Variants in TPO observed in about 807,000 individuals in gnomAD.
TPO encodes the protein thyroid peroxidase, also known as thyroid microsomal antigen.
A neutral mutation model predicts 96.9 loss-of-function variants in TPO; 78 were observed. The observed-to-expected ratio is 0.81, with a 90% confidence interval of 0.67 to 0.97. The LOEUF is 0.97. TPO is among the 50% of genes least tolerant of loss of function. The probability of loss-of-function intolerance (pLI) is 0.00; values close to 1 mark genes in which losing one functional copy is unlikely to be tolerated. For synonymous variants in TPO, 547 were observed against 538.0 expected (o/e 1.02, Z -0.23); for missense variants, 1,252 against 1,274.8 (o/e 0.98, Z 0.27).
At chr2:1,432,933 G>A (rs1216193188) in intron 3 of TPO, among the ~76,000 whole-genome samples, 1 of 152,164 alleles carries the variant, frequency 6.6e-6, no homozygotes, top group African/African-American at 2.4e-5. Flanking sequence ...AGCTCTCACT[G>A]TGAACAGCTT....
chr2:1,489,650 C>CTGAATGAA (rs59667255), intron 10 of TPO, among the ~76,000 whole-genome samples: 9,859 of 150,340 alleles, frequency 0.066, 367 homozygotes, highest in African/African-American at 0.093. Flanking sequence ...GGAACCCTCA[C>CTGAATGAA]TGAATGAATG....
chr2:1,503,654 C>G, intron 13 of TPO: 1 of 568,796 alleles, frequency 1.8e-6, no homozygotes, highest in Non-Finnish European at 3.3e-6. Flanking sequence ...TTCCACATTC[C>G]CAGGCAGACC....
chr2:1,423,384 G>A (rs903900211), intron 3 of TPO, among the ~76,000 whole-genome samples: 3 of 152,188 alleles, frequency 2.0e-5, no homozygotes, highest in Admixed American at 1.3e-4. Flanking sequence ...TTAAAAGACA[G>A]TAGAGGCTGA....
intron 7 of TPO, among the ~76,000 whole-genome samples, 158 bp from the exon 8 acceptor site, chr2:1,476,928 G>C (rs537200332): frequency 8.5e-5 from 13 of 152,190 alleles, no homozygotes; most frequent in East Asian, 3.9e-4. Flanking sequence ...GCAGGCCGGG[G>C]GGGGAGGTGA....
intron 5 of TPO, among the ~76,000 whole-genome samples, chr2:1,440,141 GCGTTTC>G (rs1666013134): frequency 6.6e-6 from 1 of 151,792 alleles, no homozygotes; most frequent in Non-Finnish European, 1.5e-5. Context: ...CCACTGTGCT[GCGTTTC>G]CAATGTGCTG....
In TPO at chr2:1,512,600, C is replaced by G. The variant is rs941495807; in HGVS notation, c.2519-4283C>G. 1.5e-5 allele frequency: 8 copies of G among 532,726 alleles called. No homozygotes were observed. The African/African-American group carries it at 1.7e-4, about 11-fold the overall frequency. 33.0% of individuals were successfully genotyped at this position (532,726 alleles called of 1,614,324 possible). A position where few individuals can be genotyped will look rare whatever the true frequency, so the allele number is the denominator to read the frequency against. ...GGGTCCGCCGCAGAACACGTCTTCC[C>G]GCTGAGCCCTGCAGCCCCTCAAGCA... is the stretch of plus-strand genomic sequence containing the variant. On this transcript the variant is annotated intron_variant, in intron 14 of 16. Transcript: ENST00000329066.
At chr2:1,380,157 G>A (rs749734391) in intron 1 of TPO, among the ~76,000 whole-genome samples, 9 of 152,160 alleles carry the variant, frequency 5.9e-5, no homozygotes, top group Non-Finnish European at 4.4e-5. Context: ...CACTTTGGGA[G>A]GCCGAGGTGG....
intron 3 of TPO, among the ~76,000 whole-genome samples, chr2:1,430,000 A>G (rs1664817937): frequency 6.6e-6 from 1 of 152,258 alleles, no homozygotes; most frequent in African/African-American, 2.4e-5. Flanking sequence ...GGGTTGTTGG[A>G]GTAACCATTT....
At chr2:1,381,676 A>G (rs1362378126) in intron 1 of TPO, among the ~76,000 whole-genome samples, 1 of 152,206 alleles carries the variant, frequency 6.6e-6, no homozygotes, top group Non-Finnish European at 1.5e-5. Context: ...CAGTGTGACA[A>G]TTTCTTCTTG....
At chr2:1,534,537 ACCTCCCCAAATCC>A (rs1311508411) in intron 15 of TPO, among the ~76,000 whole-genome samples, 48 of 91,618 alleles carry the variant, frequency 5.2e-4, no homozygotes, top group African/African-American at 1.9e-3. Flanking sequence ...ACTCTGTGCA[ACCTCCCCAAATCC>A]CTACCACTCT....
At chr2:1,480,080 C>T (rs62107963) in intron 8 of TPO, among the ~76,000 whole-genome samples, 50,262 of 152,060 alleles carry the variant, frequency 0.33, 8,356 homozygotes, top group Admixed American at 0.36. Context: ...CTGCGCCCAG[C>T]TGCCTTTTCT....
At chr2:1,484,460 C>A in intron 8 of TPO, 136 bp from the exon 9 acceptor site, 2 of 1,126,370 alleles carry the variant, frequency 1.8e-6, no homozygotes, top group Non-Finnish European at 2.5e-6. Context: ...GGAAGTTCAG[C>A]TGAGGCCCTT....
intron 13 of TPO, 176 bp from the exon 14 acceptor site, chr2:1,503,772 A>C (rs1673113042): frequency 2.5e-6 from 3 of 1,192,822 alleles, no homozygotes; most frequent in Non-Finnish European, 3.7e-6. Context: ...TCTGCTCCTC[A>C]TCACCTTTTC....
intron 2 of TPO, among the ~76,000 whole-genome samples, chr2:1,415,963 G>T (rs1662920089): frequency 1.3e-5 from 2 of 152,102 alleles, no homozygotes; most frequent in South Asian, 4.1e-4. Context: ...AGGACTTCCT[G>T]GTCACTGCCC....
At chr2:1,437,731 C>A (rs2148507171) in intron 5 of TPO, among the ~76,000 whole-genome samples, 1 of 152,206 alleles carries the variant, frequency 6.6e-6, no homozygotes, top group East Asian at 1.9e-4. Context: ...AGGATCTGAT[C>A]TTAGGACTGC....
In TPO at chr2:1,484,803, G is replaced by A. The variant is rs144957846; in HGVS notation, c.1546G>A (p.Gly516Arg). 8.1e-5 allele frequency: 131 copies of A among 1,614,016 alleles called. No individual in the cohort carries two copies. In the Admixed American group the frequency reaches 1.5e-3, roughly 18 times the overall value. ...ASFQEHPDLPGLWLHQAFFSP... is the reference protein window; with the variant it reads ...ASFQEHPDLPRLWLHQAFFSP... ...CTTCCAGGAGCACCCCGACCTGCCC[G>A]GGCTGTGGCTGCACCAGGCTTTCTT... Residue 516 changes from glycine to arginine, a missense_variant, in exon 9 of 17, where the codon GGG becomes AGG. Transcript: ENST00000329066.
intron 7 of TPO, among the ~76,000 whole-genome samples, chr2:1,475,289 G>A (rs181591856): frequency 6.6e-6 from 1 of 152,050 alleles, no homozygotes; most frequent in African/African-American, 2.4e-5. Flanking sequence ...CGGCTGTCAC[G>A]GTTTTCTTGG....
exon 1 of TPO, chr2:1,374,276 G>C (rs1229095315): frequency 6.6e-6 from 1 of 152,226 alleles, no homozygotes; most frequent in African/African-American, 2.4e-5. Context: ...ACCCAGCTCA[G>C]ACCCTGCCTT....
intron 8 of TPO, among the ~76,000 whole-genome samples, chr2:1,480,389 T>G (rs1480156409): frequency 6.6e-6 from 1 of 152,212 alleles, no homozygotes; most frequent in Non-Finnish European, 1.5e-5. Flanking sequence ...CACGGTGGCC[T>G]GGGCCTGGAA....
Sources: allele counts gnomAD v4.1 joint callset (sites outside exome capture counted in the v4.1 genomes callset), GRCh38; gene constraint gnomAD v4.1.1; transcripts MANE v1.5; gene names NCBI Gene and HGNC (gene_info 2026-07-23, HGNC 2026-07-21).